SMAP1: variants seen among roughly 807,000 people sequenced by gnomAD.
SMAP1 encodes the protein stromal membrane-associated protein 1.
In SMAP1, 24 loss-of-function variants were observed where a neutral mutation model predicts 58.5. The observed-to-expected ratio is 0.41, with a 90% CI of 0.30 to 0.58. The LOEUF is 0.58. Among genes scored for constraint, SMAP1 ranks in the 20% least tolerant of loss-of-function variants. SMAP1 has a pLI of 0.29. For missense variants in SMAP1, 563 were observed against 566.3 expected, an observed-to-expected ratio of 0.99 and a Z score of 0.06; for synonymous variants, 216 against 196.6, an observed-to-expected ratio of 1.10 and a Z score of -0.82.
intron 2 of SMAP1, among the ~76,000 whole-genome samples, chr6:70,741,979 A>T (rs1339377275): frequency 1.3e-5 from 2 of 152,212 alleles, no homozygotes; most frequent in African/African-American, 4.8e-5. Context: ...GCTGGGATGC[A>T]GGGTACCAAG....
chr6:70,822,062 G>A (rs1189732436), intron 6 of SMAP1, among the ~76,000 whole-genome samples: 1 of 152,156 alleles, frequency 6.6e-6, no homozygotes. Context: ...AAGCATGCAT[G>A]CTTTACAGTT....
rs139698605 is a variant in SMAP1, at chr6:70,727,865, C to T, written c.119-4513C>T. Reference sequence around the variant, plus strand: ...AATGCTTGAGCCCAGAAGTTTGAGACCAGCCTGGACACCATGGTGAAACCC... The same window carrying T: ...AATGCTTGAGCCCAGAAGTTTGAGATCAGCCTGGACACCATGGTGAAACCC... On this transcript the variant is annotated intron_variant, in intron 1 of 10. Transcript: ENST00000370455. 2.9e-3 allele frequency among the ~76,000 whole-genome samples: 447 copies of T among 152,172 alleles called. 1 individual carries two copies. The highest frequency in any genetic ancestry group is 5.1e-3 in the Non-Finnish European group (349 of 68,014).
At chr6:70,855,019 G>T (rs1771342768) in intron 8 of SMAP1, among the ~76,000 whole-genome samples, 1 of 141,116 alleles carries the variant, frequency 7.1e-6, no homozygotes, top group East Asian at 2.1e-4. Flanking sequence ...AGTCTTCATT[G>T]TTGACATGGA....
rs949612342 is a variant in SMAP1 at position 70,681,272 on chromosome 6, A to C, written c.118+13131A>C. ...TGTCTCTACAAAAAGTGAAAATAAA[A>C]TTAAAAAAAAATAGCTGGGTGTGGT... is the stretch of plus-strand genomic sequence containing the variant. On this transcript the variant is annotated intron_variant, in intron 1 of 10. Transcript: ENST00000370455. Among the ~76,000 whole-genome samples, 190 of 151,464 alleles carry C rather than the reference A, an allele frequency of 1.3e-3. 3 individuals carry two copies. Among genetic ancestry groups the C allele is most frequent in the Non-Finnish European group, 1.5e-4 (10 of 67,986 alleles).
At chr6:70,730,689 A>G (rs4613778) in intron 1 of SMAP1, among the ~76,000 whole-genome samples, 77,421 of 152,112 alleles carry the variant, frequency 0.51, 20,069 homozygotes, top group African/African-American at 0.56. Flanking sequence ...ATTATTTTTA[A>G]TTTTACTATA....
intron 1 of SMAP1, among the ~76,000 whole-genome samples, chr6:70,681,926 A>G (rs1766726810): frequency 6.6e-6 from 1 of 152,176 alleles, no homozygotes; most frequent in Non-Finnish European, 1.5e-5. Flanking sequence ...AGAGCAAGCA[A>G]GTTCTCTAAG....
chr6:70,800,751 G>C (rs1768808640), intron 6 of SMAP1, among the ~76,000 whole-genome samples: 1 of 150,982 alleles, frequency 6.6e-6, no homozygotes. Flanking sequence ...CCACCTATGA[G>C]TGAGAACATG....
At chr6:70,756,637 G>T (rs1766503229) in intron 3 of SMAP1, among the ~76,000 whole-genome samples, 1 of 151,996 alleles carries the variant, frequency 6.6e-6, no homozygotes, top group Non-Finnish European at 1.5e-5. Context: ...GAGTAGTTTA[G>T]ACCTCATTTC....
At chr6:70,760,950 T>A (rs1293854693) in intron 3 of SMAP1, among the ~76,000 whole-genome samples, 1 of 152,052 alleles carries the variant, frequency 6.6e-6, no homozygotes, top group Non-Finnish European at 1.5e-5. Flanking sequence ...TTAGGATATT[T>A]TGTCTTATCT....
intron 1 of SMAP1, among the ~76,000 whole-genome samples, chr6:70,690,792 C>T (rs1289927689): frequency 1.3e-5 from 2 of 151,070 alleles, no homozygotes; most frequent in African/African-American, 4.9e-5. Flanking sequence ...ATATCTTTGT[C>T]TGGTTTGGTA....
intron 3 of SMAP1, among the ~76,000 whole-genome samples, chr6:70,763,790 T>C (rs1766852368): frequency 6.6e-6 from 1 of 152,212 alleles, no homozygotes; most frequent in Non-Finnish European, 1.5e-5. Context: ...CCACAACATT[T>C]CCTTAAGCCA....
intron 3 of SMAP1, among the ~76,000 whole-genome samples, chr6:70,772,460 T>G (rs999506703): frequency 1.4e-4 from 21 of 152,202 alleles, no homozygotes; most frequent in African/African-American, 4.8e-4. Context: ...TTATGTGTGT[T>G]TTATGCATTG....
At position 70,786,314 on chromosome 6, in the gene SMAP1, C is replaced by G. The variant is rs570650581; in HGVS notation, c.415-5375C>G. ...GGTGGGACGTATCTCAAAATAATAA[C>G]AGCTATCTATGACAAACCCACAGCC... On this transcript the variant is annotated intron_variant, in intron 4 of 10. Transcript: ENST00000370455. Among the ~76,000 whole-genome samples, 31 of 145,320 alleles carry G rather than the reference C, an allele frequency of 2.1e-4. No homozygotes were observed. In the East Asian group the frequency reaches 3.0e-3, roughly 14 times the overall value.
chr6:70,813,725 A>T (rs12182033), intron 6 of SMAP1, among the ~76,000 whole-genome samples: 8,614 of 91,356 alleles, frequency 0.094, 750 homozygotes, highest in African/African-American at 0.21. Flanking sequence ...TAACATTTTT[A>T]AAAAAATATT....
intron 1 of SMAP1, among the ~76,000 whole-genome samples, chr6:70,697,216 A>G (rs991933359): frequency 6.6e-6 from 1 of 150,862 alleles, no homozygotes; most frequent in African/African-American, 2.4e-5. Context: ...AGTTTAATTC[A>G]TTTATATTCA....
At chr6:70,815,711 A>G (rs1002315428) in intron 6 of SMAP1, among the ~76,000 whole-genome samples, 1 of 152,158 alleles carries the variant, frequency 6.6e-6, no homozygotes, top group Non-Finnish European at 1.5e-5. Context: ...AAAGGCAGTT[A>G]GACTGAAACA....
intron 7 of SMAP1, among the ~76,000 whole-genome samples, chr6:70,839,145 A>G (rs1195631408): frequency 6.6e-6 from 1 of 152,164 alleles, no homozygotes; most frequent in Non-Finnish European, 1.5e-5. Flanking sequence ...TACAACATTA[A>G]ACATCTGTTT....
rs1056830751 is a variant in SMAP1 at position 70,715,818 on chromosome 6, A to G, written c.119-16560A>G. ...AGTAAGTTCTTTAGTGGTGATTTGTAAGATTTTGGTGTGCTGTCATCACTC... is the reference window on the plus strand; with the variant it reads ...AGTAAGTTCTTTAGTGGTGATTTGTGAGATTTTGGTGTGCTGTCATCACTC... On this transcript the variant is annotated intron_variant, in intron 1 of 10. Transcript: ENST00000370455. Among the ~76,000 whole-genome samples, 30 of 152,128 alleles carry G rather than the reference A, an allele frequency of 2.0e-4. 1 individual carries two copies. The highest frequency in any genetic ancestry group is 1.8e-3 in the Admixed American group (27 of 15,266).
intron 6 of SMAP1, among the ~76,000 whole-genome samples, chr6:70,808,639 G>C (rs372623822): frequency 6.6e-6 from 1 of 152,132 alleles, no homozygotes. Flanking sequence ...CCAATACATA[G>C]CTTTAAATTT....
Sources: allele counts gnomAD v4.1 joint callset (sites outside exome capture counted in the v4.1 genomes callset), GRCh38; gene constraint gnomAD v4.1.1; transcripts MANE v1.5; gene names NCBI Gene and HGNC (gene_info 2026-07-23, HGNC 2026-07-21).